Variants in ADCY4 observed in about 807,000 individuals in gnomAD.
ADCY4 encodes adenylate cyclase type 4.
ADCY4 carries 111 observed loss-of-function variants against 125.5 expected under a neutral mutation model. The ratio of observed to expected loss-of-function variants is 0.88; its 90% CI spans 0.76 to 1.04. ADCY4 has a LOEUF of 1.04. Ranked by LOEUF, ADCY4 falls within the 50% of genes least tolerant of loss-of-function variation. The pLI is 0.00. For synonymous variants in ADCY4, 576 were observed against 586.9 expected (o/e 0.98, Z 0.27); for missense variants, 1,256 against 1,382.9 (o/e 0.91, Z 1.46).
At position 24,324,126 on chromosome 14, in the gene ADCY4, C is replaced by T. The variant is rs756367138; in HGVS notation, c.1982G>A (p.Gly661Glu). 3 of 1,614,254 alleles carry T rather than the reference C, an allele frequency of 1.9e-6. No individual in the cohort carries two copies. Among genetic ancestry groups the T allele is most frequent in the Non-Finnish European group, 2.5e-6 (3 of 1,180,046 alleles). The change falls in exon 16 of 25, where the codon GGA (glycine) becomes GAA (glutamate). Residue 661 changes from glycine (G) to glutamate (E), a missense_variant. By Grantham distance (98) the Gly-to-Glu change is moderately conservative. Coordinates refer to ENST00000418030, the MANE Select transcript of ADCY4 (RefSeq NM_001198568.2). ...ALSGLVATRP[G>E]LRIALGTATI... Reference sequence around the variant, plus strand: ...GGCGGTGCCCAAGGCTATTCTCAGTCCTGGTCGTGTGGCCACCAGGCCAGA... The same window carrying T: ...GGCGGTGCCCAAGGCTATTCTCAGTTCTGGTCGTGTGGCCACCAGGCCAGA...
intron 3 of ADCY4, 122 bp downstream of exon 3, chr14:24,332,400 G>T: frequency 1.7e-6 from 2 of 1,149,066 alleles, no homozygotes; most frequent in Non-Finnish European, 2.4e-6. Flanking sequence ...AAGCACGGTT[G>T]GGTATCCTGC....
chr14:24,329,434 T>C lies in ADCY4; in HGVS notation c.1317A>G (p.Leu439=). ...MEHRDPYLRE[L]GEPTYLVIDP... The stretch of plus-strand genomic sequence containing the variant: ...CGATGACCAGATAGGTAGGCTCCCC[T>C]AGCTCCCGAAGGTAGGGGTCCCGAT... Residue 439 remains leucine (L), a synonymous_variant, in exon 9 of 25, where the codon CTA becomes CTG. Transcript: ENST00000418030. 6.4e-7 allele frequency: 1 copy of C among 1,571,778 alleles called. No individual in the cohort carries two copies. The highest frequency in any genetic ancestry group is 8.6e-7 in the Non-Finnish European group (1 of 1,162,538).
At position 24,322,590 on chromosome 14, in the gene ADCY4, G is replaced by A. The variant is rs150176339; in HGVS notation, c.2427+34C>T. The A allele has an allele frequency of 1.9e-4, 312 of 1,604,924 alleles. No homozygotes were observed. In the African/African-American group the frequency reaches 3.8e-3, roughly 20 times the overall value. ...TCACAGATATGGGGGCCACTCATAGGTGGGCCCTGGTGGGGCTGAGCTGGG... is the reference window on the plus strand; with the variant it reads ...TCACAGATATGGGGGCCACTCATAGATGGGCCCTGGTGGGGCTGAGCTGGG... On this transcript the variant is annotated intron_variant, in intron 19 of 24. Transcript: ENST00000418030.
Position 24,330,288 on chromosome 14 carries a change from T to C in ADCY4, c.938A>G (p.Glu313Gly). The C allele has an allele frequency of 6.2e-7, 1 of 1,614,112 alleles. No homozygotes were observed. The highest frequency in any genetic ancestry group is 8.5e-7 in the Non-Finnish European group (1 of 1,180,014). Residue 313 changes from glutamate to glycine, a missense_variant, in exon 7 of 25, where the codon GAA (glutamate) becomes GGA (glycine). By Grantham distance (98) the Glu-to-Gly change is moderately conservative. Coordinates refer to ENST00000418030, the MANE Select transcript of ADCY4 (RefSeq NM_001198568.2). Reference protein sequence around the residue: ...GKFDQIAKEHECMRIKILGDC... With the variant: ...GKFDQIAKEHGCMRIKILGDC... ...CCCCAGGATCTTGATCCGCATGCAT[T>C]CATGCTCCTGGGAGTGTGTATGTGG...
intron 20 of ADCY4, among the ~76,000 whole-genome samples, chr14:24,321,519 C>A (rs925644311): frequency 1.2e-4 from 18 of 151,812 alleles, no homozygotes; most frequent in Admixed American, 1.2e-3. Context: ...AAAGTAATTA[C>A]TTTTAATTAT....
Position 24,334,619 on chromosome 14 carries a change from TG to T in ADCY4, c.33del (p.Ser12AlafsTer12). 6 of 1,558,066 alleles carry T rather than the reference TG, an allele frequency of 3.9e-6. No homozygotes were observed. The highest frequency in any genetic ancestry group is 4.3e-6 in the Non-Finnish European group (5 of 1,154,134). MARLFSPRPP[P>X]SEDLFYETYY... ...TAGGTCTCGTAGAAGAGGTCTTCGC[TG>T]GGGGGCGGCCGGGGGCTGAAGAGGC... On this transcript the variant is annotated frameshift_variant, in exon 1 of 25. Transcript: ENST00000418030. LOFTEE classifies it high-confidence loss of function.
chr14:24,332,206 C>T, intron 3 of ADCY4: 1 of 468,204 alleles, frequency 2.1e-6, no homozygotes, highest in Non-Finnish European at 3.7e-6. Flanking sequence ...AATACCACTC[C>T]ACTGTCGCTA....
intron 13 of ADCY4, 61 bp from the exon 14 acceptor site, chr14:24,325,535 A>G (rs2041928733): frequency 6.9e-7 from 1 of 1,453,922 alleles, no homozygotes; most frequent in African/African-American, 1.4e-5. Flanking sequence ...CCTTGAAGGC[A>G]TCACTCCCAG....
In ADCY4 at chr14:24,322,575, G is replaced by A. The variant is rs777136365; in HGVS notation, c.2427+49C>T. The A allele has an allele frequency of 5.7e-6, 9 of 1,571,444 alleles. No homozygotes were observed. The East Asian group carries it at 2.0e-4, about 35-fold the overall frequency. On this transcript the variant is annotated intron_variant, in intron 19 of 24. Coordinates refer to ENST00000418030, the MANE Select transcript of ADCY4 (RefSeq NM_001198568.2). ...ATTAGAAAGATCAAGTCACAGATAT[G>A]GGGGCCACTCATAGGTGGGCCCTGG...
Position 24,322,992 on chromosome 14 carries a change from C to T in ADCY4, c.2254G>A (p.Ala752Thr). Residue 752 changes from alanine (A) to threonine (T), a missense_variant, in exon 18 of 25, where the codon GCG becomes ACG. Physicochemically the swap from Ala to Thr is moderately conservative, Grantham distance 58. Coordinates refer to ENST00000418030, the MANE Select transcript of ADCY4 (RefSeq NM_001198568.2). ...LKLLLLLLWL[A>T]ASCSLFLHSH... ...TGCAGGAAGAGGGAGCAGGATGCCGCCAGCCACAGCAGGAGCAGCAGCAGC... is the reference window on the plus strand; with the variant it reads ...TGCAGGAAGAGGGAGCAGGATGCCGTCAGCCACAGCAGGAGCAGCAGCAGC... 1 of 1,614,006 alleles carries T rather than the reference C, an allele frequency of 6.2e-7. No individual in the cohort carries two copies. The highest frequency in any genetic ancestry group is 8.5e-7 in the Non-Finnish European group (1 of 1,179,974).
intron 14 of ADCY4, among the ~76,000 whole-genome samples, chr14:24,325,033 C>G (rs1043595409): frequency 6.6e-6 from 1 of 152,148 alleles, no homozygotes; most frequent in African/African-American, 2.4e-5. Flanking sequence ...AAGTCCTCAT[C>G]CCTCCTAGCA....
chr14:24,323,866 C>T (rs557668698), intron 16 of ADCY4, among the ~76,000 whole-genome samples, 196 bp downstream of exon 16: 31 of 152,308 alleles, frequency 2.0e-4, no homozygotes, highest in African/African-American at 5.3e-4. Context: ...GGACATTCAC[C>T]GAAGTGTTAT....
chr14:24,324,266 A>C (rs1049843193), intron 15 of ADCY4, 41 bp downstream of exon 15: 1 of 1,613,984 alleles, frequency 6.2e-7, no homozygotes, highest in African/African-American at 1.3e-5. Flanking sequence ...GGTTGTGACC[A>C]GGGCTCCGGC....
Position 24,318,717 on chromosome 14 carries a change from A to G in ADCY4, c.3018T>C (p.Ile1006=). The change falls in exon 24 of 25, where the codon ATT becomes ATC. Residue 1006 remains isoleucine (I), a synonymous_variant. Transcript: ENST00000418030. ...VIGAQKPQYD[I]WGNTVNVASR... is the part of the protein sequence containing the mutation. ...TGGCCACGTTCACTGTGTTGCCCCA[A>G]ATGTCATATTGCGGCTTCTGGGCCC... is the stretch of plus-strand genomic sequence containing the variant. The G allele has an allele frequency of 1.9e-6, 3 of 1,614,112 alleles. No homozygotes were observed. The highest frequency in any genetic ancestry group is 8.5e-7 in the Non-Finnish European group (1 of 1,180,002).
chr14:24,330,939 G>A (rs2042031139), intron 6 of ADCY4, 79 bp downstream of exon 6: 1 of 1,309,892 alleles, frequency 7.6e-7, no homozygotes, highest in South Asian at 1.4e-5. Flanking sequence ...ATCTTATAAG[G>A]TGGGAGTTTC....
chr14:24,323,471 G>A lies in ADCY4; in HGVS notation c.2047-17C>T. Reference sequence around the variant, plus strand: ...GAAGAAGAACTGCAGAGGAGATGAGGAGTTGAAGAGGCAGGTAGCTTCTTG... The same window carrying A: ...GAAGAAGAACTGCAGAGGAGATGAGAAGTTGAAGAGGCAGGTAGCTTCTTG... On this transcript the variant is annotated splice_polypyrimidine_tract_variant and intron_variant, in intron 16 of 24. Coordinates refer to ENST00000418030, the MANE Select transcript of ADCY4 (RefSeq NM_001198568.2). 2.6e-6 allele frequency: 4 copies of A among 1,551,008 alleles called. No individual in the cohort carries two copies. In the South Asian group the frequency reaches 4.8e-5, roughly 18 times the overall value.
At position 24,319,825 on chromosome 14, in the gene ADCY4, C is replaced by T; in HGVS notation, c.2650G>A (p.Glu884Lys). 6.2e-7 allele frequency: 1 copy of T among 1,614,110 alleles called. No individual in the cohort carries two copies. Among genetic ancestry groups the T allele is most frequent in the Non-Finnish European group, 8.5e-7 (1 of 1,180,024 alleles). ...TTGATGTTGGATTCAGAGTAGAACT[C>T]CTTGAAGTCTGGGACTGAGGCGAAG... ...VLFASVPDFK[E>K]FYSESNINHE... Residue 884 changes from glutamate to lysine, a missense_variant, in exon 21 of 25, where the codon GAG becomes AAG. Coordinates refer to ENST00000418030, the MANE Select transcript of ADCY4 (RefSeq NM_001198568.2). The surrounding 1 kb of genome is among the most constrained non-coding windows in gnomAD (Gnocchi z 4.5).
intron 6 of ADCY4, chr14:24,330,734 G>T: frequency 9.2e-6 from 4 of 433,024 alleles, no homozygotes; most frequent in Admixed American, 3.9e-5. Context: ...AGATTTGGTT[G>T]TAGTGTCCAG....
chr14:24,323,566 G>A (rs1021037103), intron 16 of ADCY4, 112 bp from the exon 17 acceptor site: 36 of 1,486,468 alleles, frequency 2.4e-5, no homozygotes, highest in South Asian at 2.7e-5. Flanking sequence ...CGTCCAAAGG[G>A]GTGGATCCTG....
Sources: allele counts gnomAD v4.1 joint callset (sites outside exome capture counted in the v4.1 genomes callset), GRCh38; gene constraint gnomAD v4.1.1; non-coding constraint Gnocchi (gnomAD v3.1); transcripts MANE v1.5; gene names NCBI Gene and HGNC (gene_info 2026-07-23, HGNC 2026-07-21).